Variants in FOXJ3 observed in about 807,000 individuals in gnomAD.
FOXJ3 encodes forkhead box J3, also known as forkhead box protein J3.
A neutral mutation model predicts 76.1 loss-of-function variants in FOXJ3; 22 were observed. The observed-to-expected ratio is 0.29, with a 90% CI of 0.21 to 0.41. The LOEUF (loss-of-function observed/expected upper bound fraction) is 0.41, where lower values mean the gene tolerates loss of function less well. FOXJ3 is among the 10% of genes least tolerant of loss of function. The pLI, the probability that FOXJ3 is intolerant of heterozygous loss-of-function variation, is 1.00. For missense variants in FOXJ3, 613 were observed against 762.1 expected (o/e 0.80, Z 2.30); for synonymous variants, 269 against 261.2 (o/e 1.03, Z -0.29).
rs34641810 is a variant in FOXJ3, at chr1:42,295,519, C to CTTTT, written c.44+15527_44+15530dup. On this transcript the variant is annotated intron_variant, in intron 2 of 12. Coordinates refer to ENST00000361346, the MANE Select transcript of FOXJ3 (RefSeq NM_014947.5). ...TAGTGTTGAACATGACTACAAGTGTCTTTTTTTTTTTTTTTTTTTTTTTTG... is the reference window on the plus strand; with the variant it reads ...TAGTGTTGAACATGACTACAAGTGTCTTTTTTTTTTTTTTTTTTTTTTTTTTTTG... Among the ~76,000 whole-genome samples, 370 of 79,000 alleles carry CTTTT rather than the reference C, an allele frequency of 4.7e-3. 7 individuals carry two copies. The highest frequency in any genetic ancestry group is 0.012 in the African/African-American group (232 of 18,832). The allele number at this position is 79,000 out of a possible 152,430, so 51.8% of individuals were successfully genotyped here. A position where few individuals can be genotyped will look rare whatever the true frequency, so the allele number is the denominator to read the frequency against.
intron 1 of FOXJ3, among the ~76,000 whole-genome samples, chr1:42,331,121 C>T (rs1005579005): frequency 6.6e-6 from 1 of 152,102 alleles, no homozygotes; most frequent in African/African-American, 2.4e-5. Context: ...TGGCTTACAC[C>T]TGTAGTCTCA....
At chr1:42,246,821 G>A (rs891915723) in intron 4 of FOXJ3, among the ~76,000 whole-genome samples, 2 of 152,044 alleles carry the variant, frequency 1.3e-5, no homozygotes, top group African/African-American at 4.8e-5. Flanking sequence ...ATGGGATAAA[G>A]AACATATGGT....
chr1:42,308,771 T>C (rs529466295), intron 2 of FOXJ3, among the ~76,000 whole-genome samples: 1 of 152,290 alleles, frequency 6.6e-6, no homozygotes, highest in African/African-American at 2.4e-5. Flanking sequence ...TAACATAACT[T>C]ACGTTACCTC....
intron 2 of FOXJ3, among the ~76,000 whole-genome samples, chr1:42,285,794 C>A (rs1039126536): frequency 3.0e-4 from 45 of 152,338 alleles, no homozygotes; most frequent in African/African-American, 1.1e-3. Flanking sequence ...TCAATATGGA[C>A]TAGTGACTAC....
chr1:42,209,188 A>G (rs1025409294), intron 5 of FOXJ3, among the ~76,000 whole-genome samples: 1 of 152,248 alleles, frequency 6.6e-6, no homozygotes, highest in Non-Finnish European at 1.5e-5. Context: ...GTAAAGTTGT[A>G]AACAAATTCA....
intron 2 of FOXJ3, among the ~76,000 whole-genome samples, chr1:42,290,747 A>G (rs1448827696): frequency 1.3e-5 from 2 of 152,062 alleles, no homozygotes; most frequent in Admixed American, 6.5e-5. Context: ...AAACATCACA[A>G]TCTTTACTTG....
At chr1:42,309,745 T>A (rs1654691591) in intron 2 of FOXJ3, among the ~76,000 whole-genome samples, 1 of 152,240 alleles carries the variant, frequency 6.6e-6, no homozygotes, top group Non-Finnish European at 1.5e-5. Flanking sequence ...CAACACTTCA[T>A]ATTCTAAGAT....
At chr1:42,181,581 A>G (rs1646319771) in intron 12 of FOXJ3, among the ~76,000 whole-genome samples, 2 of 152,214 alleles carry the variant, frequency 1.3e-5, no homozygotes, top group Non-Finnish European at 2.9e-5. Flanking sequence ...TCTTGGGCTA[A>G]TAAGGACTTC....
At chr1:42,273,915 GTAAC>G (rs1652059682) in intron 3 of FOXJ3, among the ~76,000 whole-genome samples, 1 of 152,148 alleles carries the variant, frequency 6.6e-6, no homozygotes, top group Non-Finnish European at 1.5e-5. Flanking sequence ...CTAAAAAGCA[GTAAC>G]TGACTAGAAC....
rs1646250789 is a variant in FOXJ3 at position 42,178,205 on chromosome 1, G to C, written c.*1505C>G. On this transcript the variant is annotated 3_prime_UTR_variant, in exon 13 of 13. Transcript: ENST00000361346. ...ACATACAAGACAACAGAAACAGCAG[G>C]CCACATAATATCTACATTAAACACT... is the stretch of plus-strand genomic sequence containing the variant. The C allele has an allele frequency of 6.6e-6, 1 of 152,190 alleles. No individual in the cohort carries two copies. 9.4% of individuals were successfully genotyped at this position (152,190 alleles called of 1,614,324 possible).
chr1:42,249,095 C>T (rs993903656), intron 4 of FOXJ3, among the ~76,000 whole-genome samples: 4 of 152,070 alleles, frequency 2.6e-5, no homozygotes, highest in South Asian at 4.1e-4. Context: ...TTCCATTTTA[C>T]GGCTGCATAG....
Position 42,330,779 on chromosome 1 carries a change from TAAG to T in FOXJ3, c.-18+4277_-18+4279del, listed in dbSNP as rs1227675966. On this transcript the variant is annotated intron_variant, in intron 1 of 12. Transcript: ENST00000361346. ...TAGTGGAAATAGCACAAATATGAACTAAGAAGACCTACCTGCTCCACCAATTAC... is the reference window on the plus strand; with the variant it reads ...TAGTGGAAATAGCACAAATATGAACTAAGACCTACCTGCTCCACCAATTAC... 2.6e-5 allele frequency among the ~76,000 whole-genome samples: 4 copies of T among 152,304 alleles called. No individual in the cohort carries two copies. The South Asian group carries it at 8.3e-4, about 32-fold the overall frequency.
intron 5 of FOXJ3, among the ~76,000 whole-genome samples, chr1:42,221,987 GGGAGGGGGAGGGGGAGGA>G (rs1318553379): frequency 1.2e-4 from 1 of 8,378 alleles, no homozygotes; most frequent in Non-Finnish European, 2.7e-4. Flanking sequence ...GAGGGGGAGG[GGGAGGGGGAGGGGGAGGA>G]GGAGGAGAAG....
At chr1:42,194,858 T>C in intron 8 of FOXJ3, 32 bp downstream of exon 8, 1 of 1,444,634 alleles carries the variant, frequency 6.9e-7, no homozygotes, top group Middle Eastern at 1.8e-4. Flanking sequence ...CCAATAAAAC[T>C]TTGTTATAAA....
intron 1 of FOXJ3, among the ~76,000 whole-genome samples, chr1:42,317,901 G>A (rs908070892): frequency 2.0e-5 from 3 of 152,064 alleles, no homozygotes; most frequent in South Asian, 2.1e-4. Context: ...ATAGAAAACC[G>A]AAAAGCTCAT....
chr1:42,302,944 A>T (rs1231996799), intron 2 of FOXJ3, among the ~76,000 whole-genome samples: 1 of 150,314 alleles, frequency 6.7e-6, no homozygotes, highest in African/African-American at 2.5e-5. Flanking sequence ...AAAGAGCAAA[A>T]TATTTTATCA....
At chr1:42,309,958 TACACA>T (rs1232202526) in intron 2 of FOXJ3, among the ~76,000 whole-genome samples, 1 of 152,218 alleles carries the variant, frequency 6.6e-6, no homozygotes, top group African/African-American at 2.4e-5. Context: ...CACTGTGTTG[TACACA>T]ACACAACAGT....
chr1:42,234,866 A>C (rs1188377242), intron 4 of FOXJ3, among the ~76,000 whole-genome samples: 2 of 152,156 alleles, frequency 1.3e-5, no homozygotes, highest in Non-Finnish European at 2.9e-5. Flanking sequence ...ACAATTGAGG[A>C]GGCTGTCTGT....
At chr1:42,258,528 T>A (rs1650782726) in intron 4 of FOXJ3, among the ~76,000 whole-genome samples, 2 of 152,238 alleles carry the variant, frequency 1.3e-5, no homozygotes. Flanking sequence ...GTTGACCGAA[T>A]GAACATGTGG....
Sources: allele counts gnomAD v4.1 joint callset (sites outside exome capture counted in the v4.1 genomes callset), GRCh38; gene constraint gnomAD v4.1.1; transcripts MANE v1.5; gene names NCBI Gene and HGNC (gene_info 2026-07-23, HGNC 2026-07-21).